Variants in CAAP1 observed in about 807,000 individuals in gnomAD.
The protein encoded by CAAP1 is caspase activity and apoptosis inhibitor 1.
Under a neutral mutation model 34.0 loss-of-function variants are expected in CAAP1, and 20 were observed. That is an observed-to-expected ratio of 0.59 (90% CI 0.41 to 0.86). The LOEUF is 0.86. Among genes scored for constraint, CAAP1 ranks in the 40% least tolerant of loss-of-function variants. CAAP1 has a pLI of 0.00. For missense variants in CAAP1, 538 were observed against 450.5 expected, an observed-to-expected ratio of 1.19 and a Z score of -1.76; for synonymous variants, 213 against 166.7, an observed-to-expected ratio of 1.28 and a Z score of -2.14.
intron 4 of CAAP1, among the ~76,000 whole-genome samples, chr9:26,870,607 T>TGTGTGC (rs1563887338): frequency 6.7e-6 from 1 of 148,504 alleles, no homozygotes; most frequent in African/African-American, 2.5e-5. Flanking sequence ...TGTGTGTGTG[T>TGTGTGC]GTGTATACAT....
intron 4 of CAAP1, among the ~76,000 whole-genome samples, chr9:26,870,569 T>C (rs1823249918): frequency 7.0e-6 from 1 of 142,470 alleles, no homozygotes; most frequent in African/African-American, 2.6e-5. Context: ...CACACACGTA[T>C]AAATACACAC....
At chr9:26,884,081 A>C (rs1192218678) in intron 4 of CAAP1, among the ~76,000 whole-genome samples, 2 of 152,166 alleles carry the variant, frequency 1.3e-5, no homozygotes, top group Non-Finnish European at 2.9e-5. Context: ...TTTATACTTT[A>C]TCTTTTTCAG....
chr9:26,861,792 T>C lies in CAAP1; in HGVS notation c.666-653A>G, dbSNP rs569770603. Among the ~76,000 whole-genome samples, 7 of 152,300 alleles carry C rather than the reference T, an allele frequency of 4.6e-5. No homozygotes were observed. In the East Asian group the frequency reaches 9.6e-4, roughly 21 times the overall value. ...AGCTATGTGACAATTTTCTTCAAAA[T>C]AGGTATCTCTGTTGCCTTCTGAGAA... is the stretch of plus-strand genomic sequence containing the variant. On this transcript the variant is annotated intron_variant, in intron 4 of 5. Coordinates refer to ENST00000333916, the MANE Select transcript of CAAP1 (RefSeq NM_024828.4).
chr9:26,850,526 G>C (rs909607683), intron 5 of CAAP1, among the ~76,000 whole-genome samples: 3 of 152,296 alleles, frequency 2.0e-5, no homozygotes, highest in Non-Finnish European at 2.9e-5. Flanking sequence ...ACATTAATAA[G>C]TTTGCAGATG....
chr9:26,888,213 T>A (rs1057449267), intron 1 of CAAP1, among the ~76,000 whole-genome samples: 3 of 152,244 alleles, frequency 2.0e-5, no homozygotes, highest in African/African-American at 7.2e-5. Context: ...GTATACGTAC[T>A]CATCCTTCTT....
chr9:26,845,789 C>G (rs959175609), intron 5 of CAAP1, among the ~76,000 whole-genome samples: 2 of 152,200 alleles, frequency 1.3e-5, no homozygotes, highest in Non-Finnish European at 2.9e-5. Context: ...TAAATGGACT[C>G]TCTTCTTCCC....
At position 26,841,784 on chromosome 9, in the gene CAAP1, G is replaced by C. The variant is rs41271165; in HGVS notation, c.*517C>G. On this transcript the variant is annotated 3_prime_UTR_variant, in exon 6 of 6. Coordinates refer to ENST00000333916, the MANE Select transcript of CAAP1 (RefSeq NM_024828.4). ...AAAAAAGTTTTTCTCAGTCATTTCA[G>C]ATCTCTGTTATTCGGTTTTAACTAG... The C allele has an allele frequency of 0.016, 2,446 of 152,570 alleles. 28 individuals carry two copies. Among genetic ancestry groups the C allele is most frequent in the Middle Eastern group, 0.065 (19 of 294 alleles). The allele number at this position is 152,570 out of a possible 1,614,324, so 9.5% of individuals were successfully genotyped here. A position where few individuals can be genotyped will look rare whatever the true frequency, so the allele number is the denominator to read the frequency against.
rs990657550 is a variant in CAAP1 at position 26,842,225 on chromosome 9, A to C, written c.*76T>G. On this transcript the variant is annotated 3_prime_UTR_variant, in exon 6 of 6. Coordinates refer to ENST00000333916, the MANE Select transcript of CAAP1 (RefSeq NM_024828.4). ...CATGAGAAATAACATATAAGACCCC[A>C]AATAAATTTTAGATACAAAATTAAA... 1.7e-6 allele frequency: 2 copies of C among 1,204,506 alleles called. No individual in the cohort carries two copies. Among genetic ancestry groups the C allele is most frequent in the Non-Finnish European group, 2.3e-6 (2 of 868,854 alleles). The allele number at this position is 1,204,506 out of a possible 1,614,324, so 74.6% of individuals were successfully genotyped here.
intron 4 of CAAP1, among the ~76,000 whole-genome samples, chr9:26,881,808 G>C (rs1053337349): frequency 6.6e-6 from 1 of 152,212 alleles, no homozygotes; most frequent in Non-Finnish European, 1.5e-5. Context: ...ACAGGAAAAT[G>C]TGGGAAAGTC....
intron 4 of CAAP1, among the ~76,000 whole-genome samples, chr9:26,877,113 C>T (rs898746832): frequency 3.2e-4 from 49 of 152,078 alleles, no homozygotes; most frequent in African/African-American, 1.1e-3. Context: ...ACCTGCACTC[C>T]GGCATGGGCA....
chr9:26,861,945 T>C (rs2131311004), intron 4 of CAAP1, among the ~76,000 whole-genome samples: 1 of 152,342 alleles, frequency 6.6e-6, no homozygotes, highest in South Asian at 2.1e-4. Context: ...AGACTTGTGA[T>C]CATTTCTTTG....
At position 26,888,769 on chromosome 9, in the gene CAAP1, C is replaced by G. The variant is rs189771639; in HGVS notation, c.304-1256G>C. 3.2e-4 allele frequency among the ~76,000 whole-genome samples: 49 copies of G among 152,264 alleles called. No individual in the cohort carries two copies. In the East Asian group the frequency reaches 8.5e-3, roughly 26 times the overall value. Reference sequence around the variant, plus strand: ...AGATATATACCCAAGAGAAATGTAACGATATGTCTACACAAAAACTTGTAC... The same window carrying G: ...AGATATATACCCAAGAGAAATGTAAGGATATGTCTACACAAAAACTTGTAC... On this transcript the variant is annotated intron_variant, in intron 1 of 5. Coordinates refer to ENST00000333916, the MANE Select transcript of CAAP1 (RefSeq NM_024828.4).
Position 26,886,169 on chromosome 9 carries a change from A to G in CAAP1, c.524T>C (p.Ile175Thr), listed in dbSNP as rs2131341315. 1 of 1,554,352 alleles carries G rather than the reference A, an allele frequency of 6.4e-7. No homozygotes were observed. The highest frequency in any genetic ancestry group is 1.3e-5 in the South Asian group (1 of 77,688). Residue 175 changes from isoleucine to threonine, a missense_variant, in exon 3 of 6, where the codon ATT (isoleucine) becomes ACT (threonine). Coordinates refer to ENST00000333916, the MANE Select transcript of CAAP1 (RefSeq NM_024828.4). Reference sequence around the variant, plus strand: ...TAACTGTTCCTGGCATAGTTTTTTAATTTCTTCTATTGAACAGTTCTAAAG... The same window carrying G: ...TAACTGTTCCTGGCATAGTTTTTTAGTTTCTTCTATTGAACAGTTCTAAAG... ...DVLKNCSIEE[I>T]KKLCQEQLEL... is the part of the protein sequence containing the mutation.
chr9:26,865,322 G>A (rs1233603907), intron 4 of CAAP1, among the ~76,000 whole-genome samples: 2 of 152,062 alleles, frequency 1.3e-5, no homozygotes, highest in Non-Finnish European at 2.9e-5. Context: ...GTCAGAGTTT[G>A]AGACCAGCCT....
intron 5 of CAAP1, among the ~76,000 whole-genome samples, chr9:26,848,455 G>T (rs1335936183): frequency 6.6e-6 from 1 of 152,166 alleles, no homozygotes; most frequent in African/African-American, 2.4e-5. Flanking sequence ...GGCGGAGCTT[G>T]CAGTGAGCCA....
intron 4 of CAAP1, among the ~76,000 whole-genome samples, chr9:26,865,879 C>T (rs1823124558): frequency 6.6e-6 from 1 of 152,066 alleles, no homozygotes; most frequent in African/African-American, 2.4e-5. Flanking sequence ...TGGAGGCTTG[C>T]TCTGTTGCCC....
intron 5 of CAAP1, among the ~76,000 whole-genome samples, chr9:26,860,396 G>A (rs1310337636): frequency 6.6e-6 from 1 of 152,016 alleles, no homozygotes; most frequent in Non-Finnish European, 1.5e-5. Flanking sequence ...AATACCTCAG[G>A]GGGAAAAAAG....
intron 5 of CAAP1, among the ~76,000 whole-genome samples, chr9:26,847,041 ATTTAT>A (rs755128146): frequency 1.3e-5 from 2 of 151,364 alleles, no homozygotes; most frequent in Non-Finnish European, 2.9e-5. Context: ...TTAATAACTT[ATTTAT>A]TTTATTTTTA....
intron 5 of CAAP1, among the ~76,000 whole-genome samples, chr9:26,850,340 G>C (rs1055530752): frequency 2.6e-5 from 4 of 152,136 alleles, no homozygotes; most frequent in African/African-American, 9.7e-5. Flanking sequence ...GGGTTGGAGA[G>C]ACAGAACATG....
Sources: gnomAD v4.1 joint callset for allele counts (sites outside exome capture counted in the v4.1 genomes callset) on GRCh38, gnomAD v4.1.1 for gene constraint, MANE v1.5 for transcripts, NCBI Gene and HGNC (gene_info 2026-07-23, HGNC 2026-07-21) for gene names.